Variants in KLHL10 observed in about 807,000 individuals in gnomAD.
KLHL10 encodes kelch-like protein 10.
KLHL10 carries 11 observed loss-of-function variants against 46.6 expected under a neutral mutation model. That is an observed-to-expected ratio of 0.24 (90% CI 0.15 to 0.39). The LOEUF (loss-of-function observed/expected upper bound fraction) is 0.39, where lower values mean the gene tolerates loss of function less well. Ranked by LOEUF, KLHL10 falls within the 10% of genes least tolerant of loss-of-function variation. KLHL10 has a pLI of 1.00. For missense variants in KLHL10, 475 were observed against 789.8 expected (o/e 0.60, Z 4.78); for synonymous variants, 254 against 279.1 (o/e 0.91, Z 0.90).
chr17:41,841,932 G>C lies in KLHL10; in HGVS notation c.304G>C (p.Val102Leu). ...LIIEYAYTRT[V>L]PITPDNVEKL... Reference sequence around the variant, plus strand: ...CATTGAGTATGCATACACCCGGACCGTGCCTATCACACCGGACAATGTGGA... The same window carrying C: ...CATTGAGTATGCATACACCCGGACCCTGCCTATCACACCGGACAATGTGGA... Residue 102 changes from valine (V) to leucine (L), a missense_variant, in exon 2 of 5, where the codon GTG becomes CTG. Val to Leu is a conservative substitution (Grantham distance 32). Transcript: ENST00000293303. 6.2e-7 allele frequency: 1 copy of C among 1,614,188 alleles called. No individual in the cohort carries two copies. Among genetic ancestry groups the C allele is most frequent in the Non-Finnish European group, 8.5e-7 (1 of 1,180,048 alleles).
chr17:41,837,782 T>G, upstream of KLHL10: 1 of 1,478,620 alleles, frequency 6.8e-7, no homozygotes, highest in Non-Finnish European at 8.9e-7. Context: ...GTGATCTCAC[T>G]GCAGGGCCAG....
chr17:41,836,233 A>T (rs2048157113), upstream of KLHL10: 4 of 1,095,440 alleles, frequency 3.7e-6, no homozygotes, highest in Non-Finnish European at 4.4e-6. Context: ...GGACAACGAC[A>T]GCCCCGCGAC....
chr17:41,845,595 G>T lies in KLHL10; in HGVS notation c.1154G>T (p.Gly385Val). Residue 385 changes from glycine to valine, a missense_variant, in exon 3 of 5, where the codon GGC becomes GTC. By Grantham distance (109) the Gly-to-Val change is moderately radical. Transcript: ENST00000293303. ...TGCTATGTCAGTGTGACAGTCCTCG[G>T]CAATTTTATTTATGCCATGGGAGGA... ...RRCYVSVTVLGNFIYAMGGFD... is the reference protein window; with the variant it reads ...RRCYVSVTVLVNFIYAMGGFD... 1 of 1,614,126 alleles carries T rather than the reference G, an allele frequency of 6.2e-7. No homozygotes were observed. Among genetic ancestry groups the T allele is most frequent in the Non-Finnish European group, 8.5e-7 (1 of 1,179,994 alleles).
upstream of KLHL10, chr17:41,837,598 A>G (rs1347611667): frequency 5.3e-6 from 6 of 1,125,638 alleles, no homozygotes; most frequent in African/African-American, 1.6e-5. Flanking sequence ...GGTGAGTAAC[A>G]GGAGCTGGAA....
rs782221918 is a variant in KLHL10, at chr17:41,841,998, A to G, written c.370A>G (p.Ile124Val). Reference sequence around the variant, plus strand: ...TGCAGACCAGTTTAACATCATGGGTATCGTCAGGGGTTGCTGCGAGTTCCT... The same window carrying G: ...TGCAGACCAGTTTAACATCATGGGTGTCGTCAGGGGTTGCTGCGAGTTCCT... ...AAADQFNIMG[I>V]VRGCCEFLKS... Residue 124 changes from isoleucine (I) to valine (V), a missense_variant, in exon 2 of 5, where the codon ATC becomes GTC. Transcript: ENST00000293303. 1.9e-6 allele frequency: 3 copies of G among 1,614,056 alleles called. No homozygotes were observed. Among genetic ancestry groups the G allele is most frequent in the African/African-American group, 2.7e-5 (2 of 74,908 alleles).
upstream of KLHL10, chr17:41,837,622 A>T: frequency 9.0e-7 from 1 of 1,107,524 alleles, no homozygotes; most frequent in Non-Finnish European, 1.1e-6. Flanking sequence ...ATAAACACTC[A>T]GATGGTGCTA....
chr17:41,840,069 G>A (rs2048211177), intron 1 of KLHL10, among the ~76,000 whole-genome samples: 1 of 152,102 alleles, frequency 6.6e-6, no homozygotes, highest in Admixed American at 6.6e-5. Context: ...GACTTCAGGT[G>A]ATCCGCCTGC....
At chr17:41,845,073 G>A in intron 2 of KLHL10, 53 bp from the exon 3 acceptor site, 2 of 1,612,638 alleles carry the variant, frequency 1.2e-6, no homozygotes, top group Non-Finnish European at 1.7e-6. Flanking sequence ...AAGGATGTGG[G>A]ATTTCCTGGC....
intron 3 of KLHL10, 44 bp downstream of exon 3, chr17:41,845,787 AAGACC>A: frequency 2.5e-6 from 4 of 1,612,672 alleles, no homozygotes; most frequent in Non-Finnish European, 2.5e-6. Flanking sequence ...TGCAAAGTAC[AAGACC>A]AGAAATGATA....
chr17:41,843,715 C>T (rs2048251076), intron 2 of KLHL10, among the ~76,000 whole-genome samples: 1 of 151,946 alleles, frequency 6.6e-6, no homozygotes, highest in Admixed American at 6.6e-5. Flanking sequence ...TCTCAGCTTC[C>T]AAATGTATAT....
Position 41,848,192 on chromosome 17 carries a change from T to C in KLHL10, c.1712T>C (p.Val571Ala). ...TACCGCAGTGCTCTGAGCTGCTGTG[T>C]AGTACCAGGGCTGGCCAATGTTGAG... ...SIYRSALSCCVVPGLANVEEY... is the reference protein window; with the variant it reads ...SIYRSALSCCAVPGLANVEEY... The change falls in exon 5 of 5, where the codon GTA becomes GCA. Residue 571 changes from valine (V) to alanine (A), a missense_variant. Coordinates refer to ENST00000293303, the MANE Select transcript of KLHL10 (RefSeq NM_152467.5). The C allele has an allele frequency of 6.2e-7, 1 of 1,614,170 alleles. No homozygotes were observed. The highest frequency in any genetic ancestry group is 8.5e-7 in the Non-Finnish European group (1 of 1,180,042).
chr17:41,841,668 T>A, intron 1 of KLHL10, 155 bp from the exon 2 acceptor site: 2 of 813,236 alleles, frequency 2.5e-6, no homozygotes, highest in Non-Finnish European at 4.1e-6. Flanking sequence ...ATCCACAAGG[T>A]AAGAGTGACC....
At chr17:41,838,655 G>T (rs112685971) in intron 1 of KLHL10, among the ~76,000 whole-genome samples, 179 of 118,674 alleles carry the variant, frequency 1.5e-3, no homozygotes, top group African/African-American at 3.7e-3. Flanking sequence ...TGTTTGTTTT[G>T]TTTTTTTTTT....
At chr17:41,835,958 C>G (rs1555619926), upstream of KLHL10, 3 of 1,582,422 alleles carry the variant, frequency 1.9e-6, no homozygotes, top group South Asian at 2.3e-5. Context: ...GGGTGCTCAC[C>G]TGTCCCGAGA....
intron 1 of KLHL10, among the ~76,000 whole-genome samples, chr17:41,839,466 A>G (rs1401465320): frequency 2.0e-5 from 3 of 152,166 alleles, no homozygotes; most frequent in African/African-American, 7.2e-5. Context: ...ACCATTTCAA[A>G]CAGGGTGATA....
Position 41,847,425 on chromosome 17 carries a change from T to C in KLHL10, c.1452+15T>C. ...ATGTATATGCGGTAAGTTTATCTAG[T>C]ACCACACACACACAAAAAACACATT... On this transcript the variant is annotated intron_variant, in intron 4 of 4. Transcript: ENST00000293303. The C allele has an allele frequency of 6.2e-7, 1 of 1,613,724 alleles. No individual in the cohort carries two copies. The highest frequency in any genetic ancestry group is 1.3e-5 in the African/African-American group (1 of 74,990).
intron 1 of KLHL10, 142 bp downstream of exon 1, chr17:41,838,268 A>AT (rs1419090952): frequency 4.3e-3 from 2,883 of 668,436 alleles, no homozygotes; most frequent in Middle Eastern, 6.2e-3. Flanking sequence ...TTAAAAAAAA[A>AT]TTTTTTTTTT....
At chr17:41,846,934 GT>G (rs1200088707) in intron 3 of KLHL10, among the ~76,000 whole-genome samples, 2 of 152,114 alleles carry the variant, frequency 1.3e-5, no homozygotes, top group African/African-American at 4.8e-5. Flanking sequence ...GGACAACACG[GT>G]GAAACCTCGT....
At chr17:41,837,069 G>A (rs148471270), upstream of KLHL10, among the ~76,000 whole-genome samples, 2,280 of 152,274 alleles carry the variant, frequency 0.015, 53 homozygotes, top group African/African-American at 0.049. Flanking sequence ...GCTGAGGTGG[G>A]AGGATCACTT....
Sources: allele counts gnomAD v4.1 joint callset (sites outside exome capture counted in the v4.1 genomes callset), GRCh38; gene constraint gnomAD v4.1.1; transcripts MANE v1.5; gene names NCBI Gene and HGNC (gene_info 2026-07-23, HGNC 2026-07-21).